Variants in FMNL2 observed in about 807,000 individuals in gnomAD.
The protein encoded by FMNL2 is formin like 2.
In FMNL2, 51 loss-of-function variants were observed where a neutral mutation model predicts 130.2. The ratio of observed to expected loss-of-function variants is 0.39; its 90% CI spans 0.31 to 0.49. The LOEUF is 0.49. FMNL2 is among the 20% of genes least tolerant of loss of function. FMNL2 has a pLI of 0.85. For missense variants in FMNL2, 977 were observed against 1,316.2 expected, an observed-to-expected ratio of 0.74 and a Z score of 3.99; for synonymous variants, 465 against 467.1, an observed-to-expected ratio of 1.00 and a Z score of 0.06.
chr2:152,558,577 G>A (rs1318571983), intron 4 of FMNL2, among the ~76,000 whole-genome samples, 163 bp from the exon 5 acceptor site: 1 of 152,266 alleles, frequency 6.6e-6, no homozygotes, highest in East Asian at 1.9e-4. Flanking sequence ...TACCATATCT[G>A]AAAAGCTCCT....
At chr2:152,406,570 A>G (rs1422576196) in intron 1 of FMNL2, among the ~76,000 whole-genome samples, 4 of 152,174 alleles carry the variant, frequency 2.6e-5, no homozygotes, top group South Asian at 2.1e-4. Context: ...CTCCTCCTAG[A>G]TTTGAATTGT....
At chr2:152,342,529 G>A (rs1681869930) in intron 1 of FMNL2, among the ~76,000 whole-genome samples, 1 of 152,178 alleles carries the variant, frequency 6.6e-6, no homozygotes. Context: ...TCCTTAGAGA[G>A]CCTTCATGTA....
chr2:152,476,914 G>A lies in FMNL2; in HGVS notation c.118-45029G>A, dbSNP rs551160073. 1.4e-3 allele frequency among the ~76,000 whole-genome samples: 215 copies of A among 152,242 alleles called. 1 individual carries two copies. Among genetic ancestry groups the A allele is most frequent in the African/African-American group, 5.1e-3 (213 of 41,524 alleles). Reference sequence around the variant, plus strand: ...CATAGGAAGAGTTCTAAGCTGTGAGGTTGAGTCCATTTTCTGATTCATTTG... The same window carrying A: ...CATAGGAAGAGTTCTAAGCTGTGAGATTGAGTCCATTTTCTGATTCATTTG... On this transcript the variant is annotated intron_variant, in intron 1 of 25. Transcript: ENST00000288670.
intron 1 of FMNL2, chr2:152,390,413 G>A (rs1180635381): frequency 2.7e-6 from 3 of 1,114,648 alleles, no homozygotes; most frequent in Non-Finnish European, 4.1e-6. Flanking sequence ...GCTGCTTGGT[G>A]TCCAGTGACC....
At chr2:152,389,338 A>G (rs1245620917) in intron 1 of FMNL2, among the ~76,000 whole-genome samples, 1 of 152,190 alleles carries the variant, frequency 6.6e-6, no homozygotes. Context: ...AGCAGAAAGG[A>G]TAAGTAAGCT....
chr2:152,455,904 G>A (rs1442241086), intron 1 of FMNL2, among the ~76,000 whole-genome samples: 3 of 152,084 alleles, frequency 2.0e-5, no homozygotes, highest in African/African-American at 4.8e-5. Context: ...TTGTAGAGAC[G>A]GGGTCTCACT....
chr2:152,631,616 G>A (rs192507599), intron 20 of FMNL2, among the ~76,000 whole-genome samples: 4 of 152,128 alleles, frequency 2.6e-5, no homozygotes, highest in Admixed American at 1.3e-4. Flanking sequence ...AGAGTGGTGC[G>A]CAATTCAAAT....
chr2:152,575,020 GTT>G, intron 6 of FMNL2, 114 bp from the exon 7 acceptor site: 1 of 584,758 alleles, frequency 1.7e-6, no homozygotes, highest in Non-Finnish European at 3.0e-6. Flanking sequence ...TTTGGTGGCG[GTT>G]TTAACCTACA....
At chr2:152,402,116 A>G (rs1685736133) in intron 1 of FMNL2, among the ~76,000 whole-genome samples, 1 of 151,888 alleles carries the variant, frequency 6.6e-6, no homozygotes, top group South Asian at 2.1e-4. Flanking sequence ...GTTAGCCAGG[A>G]TGGTCTCGAT....
At chr2:152,453,099 A>G (rs1445687125) in intron 1 of FMNL2, among the ~76,000 whole-genome samples, 2 of 151,346 alleles carry the variant, frequency 1.3e-5, no homozygotes, top group Non-Finnish European at 2.9e-5. Context: ...CTACTCGGGA[A>G]GCTGAGGCAG....
At chr2:152,406,623 A>C (rs573013785) in intron 1 of FMNL2, among the ~76,000 whole-genome samples, 1 of 152,264 alleles carries the variant, frequency 6.6e-6, no homozygotes, top group South Asian at 2.1e-4. Flanking sequence ...TTTGTGTGGA[A>C]GTGTACCTTT....
chr2:152,393,791 G>C (rs1266540944), intron 1 of FMNL2, among the ~76,000 whole-genome samples: 1 of 152,220 alleles, frequency 6.6e-6, no homozygotes, highest in Admixed American at 6.5e-5. Flanking sequence ...CCAGATAATA[G>C]ACACTTCAGG....
intron 1 of FMNL2, among the ~76,000 whole-genome samples, chr2:152,504,985 A>C (rs139633656): frequency 1.6e-3 from 247 of 152,338 alleles, no homozygotes; most frequent in Non-Finnish European, 2.8e-3. Context: ...AAATGCCATC[A>C]CATTTAAAGC....
intron 1 of FMNL2, among the ~76,000 whole-genome samples, chr2:152,366,404 G>A (rs967298384): frequency 4.0e-5 from 6 of 151,704 alleles, no homozygotes; most frequent in Admixed American, 3.3e-4. Context: ...AAACCTGCAC[G>A]TTGTGCACAT....
intron 9 of FMNL2, among the ~76,000 whole-genome samples, chr2:152,593,902 T>TGTGTGTGTGTGTGA (rs1296082394): frequency 4.9e-5 from 4 of 81,634 alleles, no homozygotes; most frequent in South Asian, 4.7e-4. Context: ...TGTGTGTGTG[T>TGTGTGTGTGTGTGA]GAGAGAGAGA....
At chr2:152,432,082 A>G (rs549170821) in intron 1 of FMNL2, among the ~76,000 whole-genome samples, 1 of 151,618 alleles carries the variant, frequency 6.6e-6, no homozygotes, top group East Asian at 1.9e-4. Flanking sequence ...ATATACACAT[A>G]CAATTTTATG....
intron 9 of FMNL2, among the ~76,000 whole-genome samples, chr2:152,594,797 T>C (rs1437442481): frequency 6.6e-6 from 1 of 152,248 alleles, no homozygotes; most frequent in Non-Finnish European, 1.5e-5. Context: ...ATGTGGCTAC[T>C]GCCCAGCTCT....
At chr2:152,449,186 C>T (rs531819413) in intron 1 of FMNL2, among the ~76,000 whole-genome samples, 6 of 152,176 alleles carry the variant, frequency 3.9e-5, no homozygotes, top group Non-Finnish European at 8.8e-5. Flanking sequence ...TTCTTTCTCC[C>T]TCTGGTTTCT....
chr2:152,337,616 G>A (rs575780920), intron 1 of FMNL2, among the ~76,000 whole-genome samples: 213 of 152,150 alleles, frequency 1.4e-3, no homozygotes, highest in Non-Finnish European at 2.5e-3. Flanking sequence ...TCATTAACAT[G>A]GTGGATTTGT....
Sources: gnomAD v4.1 joint callset for allele counts (sites outside exome capture counted in the v4.1 genomes callset) on GRCh38, gnomAD v4.1.1 for gene constraint, MANE v1.5 for transcripts, NCBI Gene and HGNC (gene_info 2026-07-23, HGNC 2026-07-21) for gene names.